Variants in SV2C observed in about 807,000 individuals in gnomAD.
SV2C encodes the protein synaptic vesicle glycoprotein 2C, also known as solute carrier family 22 member B3.
In SV2C, 49 loss-of-function variants were observed where a neutral mutation model predicts 79.7. That is an observed-to-expected ratio of 0.61 (90% confidence interval 0.49 to 0.78). The LOEUF (loss-of-function observed/expected upper bound fraction) is 0.78, where lower values mean the gene tolerates loss of function less well. Among genes scored for constraint, SV2C ranks in the 30% least tolerant of loss-of-function variants. The pLI is 0.00. For synonymous variants in SV2C, 334 were observed against 333.2 expected, an observed-to-expected ratio of 1.00 and a Z score of -0.03; for missense variants, 833 against 912.9, an observed-to-expected ratio of 0.91 and a Z score of 1.13.
chr5:76,292,815 C>T (rs1352216868), intron 8 of SV2C, among the ~76,000 whole-genome samples: 2 of 152,290 alleles, frequency 1.3e-5, no homozygotes, highest in African/African-American at 4.8e-5. Context: ...ATTTGTTAAT[C>T]GCTGACATAG....
chr5:76,316,525 G>A (rs984263045), intron 12 of SV2C, among the ~76,000 whole-genome samples: 2 of 152,152 alleles, frequency 1.3e-5, no homozygotes, highest in African/African-American at 2.4e-5. Context: ...ATGGTTATAC[G>A]TGCACTTTGG....
At chr5:76,050,647 A>G in the SV2C span, among the ~76,000 whole-genome samples, 1 of 151,978 alleles carries the variant, frequency 6.6e-6, no homozygotes. Flanking sequence ...TCTCTACCCA[A>G]AGCCTCGTCA....
At chr5:75,950,311 G>C in the SV2C span, among the ~76,000 whole-genome samples, 1 of 151,928 alleles carries the variant, frequency 6.6e-6, no homozygotes, top group Non-Finnish European at 1.5e-5. Flanking sequence ...TGAGAAATAG[G>C]CCATTACAAA....
At chr5:75,941,105 T>G in the SV2C span, among the ~76,000 whole-genome samples, 4 of 152,210 alleles carry the variant, frequency 2.6e-5, no homozygotes, top group African/African-American at 9.6e-5. Context: ...ATTCTGTAAG[T>G]GATGTCTCAG....
chr5:76,151,058 A>T (rs17747008), intron 2 of SV2C, among the ~76,000 whole-genome samples: 10,667 of 152,246 alleles, frequency 0.07, 923 homozygotes, highest in East Asian at 0.4. Context: ...ATGACACAGG[A>T]AGCAAAGGAC....
At chr5:75,920,054 A>G in the SV2C span, among the ~76,000 whole-genome samples, 2 of 152,216 alleles carry the variant, frequency 1.3e-5, no homozygotes, top group Non-Finnish European at 2.9e-5. Flanking sequence ...TGGTAGAGAT[A>G]TGCAGTAAAA....
At chr5:76,254,257 T>TAGAGAGAG (rs766602017) in intron 4 of SV2C, among the ~76,000 whole-genome samples, 32 of 149,398 alleles carry the variant, frequency 2.1e-4, no homozygotes, top group African/African-American at 6.9e-4. Flanking sequence ...TATATATATA[T>TAGAGAGAG]AGAGAGAGAG....
intron 4 of SV2C, among the ~76,000 whole-genome samples, chr5:76,234,869 T>G (rs2112407721): frequency 6.6e-6 from 1 of 152,306 alleles, no homozygotes; most frequent in African/African-American, 2.4e-5. Context: ...ACACTGCTCA[T>G]CCTACAGTGA....
chr5:76,062,529 A>G, the SV2C span, among the ~76,000 whole-genome samples: 2 of 152,008 alleles, frequency 1.3e-5, no homozygotes, highest in Non-Finnish European at 2.9e-5. Flanking sequence ...GTTCTTTATA[A>G]ATTACCCAGT....
At chr5:76,077,754 A>G in the SV2C span, among the ~76,000 whole-genome samples, 2 of 152,230 alleles carry the variant, frequency 1.3e-5, no homozygotes, top group Non-Finnish European at 2.9e-5. Flanking sequence ...GTCAGAGGAA[A>G]GCTGAAGAGC....
In SV2C at chr5:76,301,511, G is replaced by T; in HGVS notation, c.1966G>T (p.Val656Leu). The change falls in exon 12 of 13, where the codon GTG (valine) becomes TTG (leucine). Residue 656 changes from valine (V) to leucine (L), a missense_variant. By Grantham distance (32) the Val-to-Leu change is conservative. Coordinates refer to ENST00000502798, the MANE Select transcript of SV2C (RefSeq NM_014979.4). ...CATCTCAGCCTGGAACTCTCTTGAC[G>T]TGGTCACTGTGGAACTGTACCCCAC... ...LTISAWNSLD[V>L]VTVELYPTDR... The T allele has an allele frequency of 6.2e-7, 1 of 1,613,986 alleles. No homozygotes were observed. The highest frequency in any genetic ancestry group is 8.5e-7 in the Non-Finnish European group (1 of 1,179,982).
the SV2C span, among the ~76,000 whole-genome samples, chr5:75,999,297 A>ATAG: frequency 6.7e-6 from 1 of 148,598 alleles, no homozygotes; most frequent in South Asian, 2.2e-4. Flanking sequence ...TATATACAGT[A>ATAG]TAGATATACA....
chr5:76,349,621 T>A (rs545364101), intron 12 of SV2C, among the ~76,000 whole-genome samples: 1 of 152,296 alleles, frequency 6.6e-6, no homozygotes, highest in South Asian at 2.1e-4. Flanking sequence ...CCTTGAAAGT[T>A]TTGGCTCTCC....
At chr5:75,882,305 T>C in the SV2C span, among the ~76,000 whole-genome samples, 5 of 151,376 alleles carry the variant, frequency 3.3e-5, no homozygotes, top group South Asian at 6.2e-4. Flanking sequence ...GAATCAATAT[T>C]GTGAAAATGG....
At chr5:75,921,618 C>A in the SV2C span, 14 of 955,954 alleles carry the variant, frequency 1.5e-5, no homozygotes, top group Admixed American at 1.8e-4. Context: ...TTCTTCTCCC[C>A]CTTCTTGATG....
At chr5:75,925,054 T>TAAG in the SV2C span, among the ~76,000 whole-genome samples, 2,298 of 152,314 alleles carry the variant, frequency 0.015, 56 homozygotes, top group African/African-American at 0.052. Flanking sequence ...CTATAGATAC[T>TAAG]AAGGGGTTTA....
intron 4 of SV2C, among the ~76,000 whole-genome samples, chr5:76,244,578 C>A (rs1359825494): frequency 6.6e-6 from 1 of 152,166 alleles, no homozygotes; most frequent in Non-Finnish European, 1.5e-5. Context: ...TACATTCTTT[C>A]TTTGGTATTA....
chr5:75,882,498 T>C, the SV2C span, among the ~76,000 whole-genome samples: 1 of 151,994 alleles, frequency 6.6e-6, no homozygotes, highest in Non-Finnish European at 1.5e-5. Context: ...GACTTCAAAC[T>C]ATACTACAAG....
chr5:75,907,618 G>A, the SV2C span, among the ~76,000 whole-genome samples: 6 of 152,188 alleles, frequency 3.9e-5, no homozygotes, highest in Admixed American at 3.3e-4. Flanking sequence ...TAAGAGCAAA[G>A]GTGATAACTG....
Sources: allele counts gnomAD v4.1 joint callset (sites outside exome capture counted in the v4.1 genomes callset), GRCh38; gene constraint gnomAD v4.1.1; transcripts MANE v1.5; gene names NCBI Gene and HGNC (gene_info 2026-07-23, HGNC 2026-07-21).